The following CDH8 variants were observed in gnomAD, a reference collection of about 807,000 sequenced individuals.
CDH8 encodes the protein cadherin 8, also known as cadherin-8.
Under a neutral mutation model 68.1 loss-of-function variants are expected in CDH8, and 17 were observed. The ratio of observed to expected loss-of-function variants is 0.25; its 90% confidence interval spans 0.17 to 0.37. The LOEUF (loss-of-function observed/expected upper bound fraction) is 0.37. Among genes scored for constraint, CDH8 ranks in the 10% least tolerant of loss-of-function variants. CDH8 has a pLI of 1.00. For missense variants in CDH8, 763 were observed against 999.3 expected (o/e 0.76, Z 3.19); for synonymous variants, 372 against 365.1 (o/e 1.02, Z -0.21).
At chr16:62,009,588 T>C (rs1901757486) in intron 2 of CDH8, among the ~76,000 whole-genome samples, 1 of 152,214 alleles carries the variant, frequency 6.6e-6, no homozygotes, top group Non-Finnish European at 1.5e-5. Flanking sequence ...CTCTTCTTTT[T>C]GGTGTTCTGG....
At chr16:62,017,268 G>C (rs1901964105) in intron 2 of CDH8, among the ~76,000 whole-genome samples, 1 of 152,100 alleles carries the variant, frequency 6.6e-6, no homozygotes. Context: ...ATAAGGTATA[G>C]AGTATGTTAG....
intron 2 of CDH8, among the ~76,000 whole-genome samples, chr16:61,938,573 T>A (rs1056305838): frequency 3.9e-5 from 6 of 152,156 alleles, no homozygotes; most frequent in Non-Finnish European, 7.4e-5. Flanking sequence ...GCAAGTAACA[T>A]TAAAATGTAA....
chr16:62,011,069 G>T (rs370856409), intron 2 of CDH8, among the ~76,000 whole-genome samples: 2 of 151,768 alleles, frequency 1.3e-5, no homozygotes, highest in African/African-American at 4.8e-5. Flanking sequence ...ACCCAGCTGG[G>T]TTATTCTTAG....
intron 10 of CDH8, among the ~76,000 whole-genome samples, chr16:61,700,456 T>G (rs1964403372): frequency 6.6e-6 from 1 of 151,864 alleles, no homozygotes; most frequent in Admixed American, 6.6e-5. Context: ...AATTTTTGTA[T>G]TTTTAGTAGA....
At chr16:61,747,644 AGAAAAAC>A (rs1318324526) in intron 8 of CDH8, among the ~76,000 whole-genome samples, 5 of 152,098 alleles carry the variant, frequency 3.3e-5, no homozygotes, top group Non-Finnish European at 7.4e-5. Flanking sequence ...ATGTCAAAAA[AGAAAAAC>A]CTGCTAGAGG....
At chr16:61,740,345 T>C (rs910322593) in intron 8 of CDH8, among the ~76,000 whole-genome samples, 2 of 152,196 alleles carry the variant, frequency 1.3e-5, no homozygotes, top group Non-Finnish European at 2.9e-5. Flanking sequence ...TTAATAGTCA[T>C]ATATTTTTGA....
rs557895715 is a variant in CDH8, at chr16:61,647,469, T to C, written c.*6139A>G. 2 of 222,380 alleles carry C rather than the reference T, an allele frequency of 9.0e-6. No individual in the cohort carries two copies. 13.8% of individuals were successfully genotyped at this position (222,380 alleles called of 1,614,324 possible). A position where few individuals can be genotyped will look rare whatever the true frequency, so the allele number is the denominator to read the frequency against. Reference sequence around the variant, plus strand: ...TTAAAGCAGAGTAACGTTGGAAAGGTGGGGGGGGTGATCCCAGTGACTCCT... The same window carrying C: ...TTAAAGCAGAGTAACGTTGGAAAGGCGGGGGGGGTGATCCCAGTGACTCCT... On this transcript the variant is annotated 3_prime_UTR_variant, in exon 12 of 12. Coordinates refer to ENST00000577390, the MANE Select transcript of CDH8 (RefSeq NM_001796.5).
At chr16:62,014,584 G>A (rs568658341) in intron 2 of CDH8, among the ~76,000 whole-genome samples, 137 of 152,230 alleles carry the variant, frequency 9.0e-4, no homozygotes, top group Non-Finnish European at 6.8e-4. Context: ...TTTCTCACCC[G>A]TCGCAGACAC....
chr16:61,857,227 T>C lies in CDH8; in HGVS notation c.559A>G (p.Thr187Ala). ...TCAGCGTCGGTCGCAGTGACGTTAG[T>C]GACAGATGTACCTAATAAAATAGAG... ...PEMSILGTSV[T>A]NVTATDADDP... is the part of the protein sequence containing the mutation. The change falls in exon 4 of 12, where the codon ACT (threonine) becomes GCT (alanine). Residue 187 changes from threonine to alanine, a missense_variant. By Grantham distance (58) the Thr-to-Ala change is moderately conservative. Transcript: ENST00000577390. The C allele has an allele frequency of 1.2e-6, 2 of 1,612,448 alleles. No homozygotes were observed. The highest frequency in any genetic ancestry group is 1.7e-6 in the Non-Finnish European group (2 of 1,178,688).
chr16:61,920,455 A>G (rs1964342412), intron 2 of CDH8, among the ~76,000 whole-genome samples: 1 of 148,788 alleles, frequency 6.7e-6, no homozygotes. Context: ...GCATGAACAG[A>G]CACTTCTCAA....
At chr16:62,007,583 A>G (rs775704983) in intron 2 of CDH8, among the ~76,000 whole-genome samples, 6 of 132,390 alleles carry the variant, frequency 4.5e-5, no homozygotes, top group Non-Finnish European at 6.8e-5. Flanking sequence ...CAAAATGCAC[A>G]ACTTTCCAAA....
At chr16:62,025,003 A>T (rs1236117863) in intron 1 of CDH8, among the ~76,000 whole-genome samples, 4 of 152,182 alleles carry the variant, frequency 2.6e-5, no homozygotes, top group Non-Finnish European at 5.9e-5. Context: ...AGAAATACAT[A>T]AACAATTCAC....
At chr16:61,998,162 A>G (rs779216575) in intron 2 of CDH8, among the ~76,000 whole-genome samples, 2 of 152,208 alleles carry the variant, frequency 1.3e-5, no homozygotes, top group Non-Finnish European at 2.9e-5. Context: ...AAAATGCAAT[A>G]TGCATGAAAA....
At chr16:61,943,703 C>G (rs535742001) in intron 2 of CDH8, among the ~76,000 whole-genome samples, 22 of 152,242 alleles carry the variant, frequency 1.4e-4, no homozygotes, top group African/African-American at 4.8e-4. Context: ...ATAAGTGAGA[C>G]AGAGTCCCTT....
chr16:61,854,182 T>A (rs959543694), intron 4 of CDH8, among the ~76,000 whole-genome samples: 6 of 151,332 alleles, frequency 4.0e-5, no homozygotes, highest in Non-Finnish European at 8.8e-5. Context: ...AGAAGCCCAC[T>A]GCTTGCATTT....
At chr16:61,817,963 A>C in intron 6 of CDH8, 1 of 409,756 alleles carries the variant, frequency 2.4e-6, no homozygotes, top group Non-Finnish European at 4.3e-6. Context: ...TGTTTTGCTC[A>C]TTTCACTTGG....
intron 2 of CDH8, among the ~76,000 whole-genome samples, chr16:61,947,842 A>G (rs2143569679): frequency 6.6e-6 from 1 of 152,302 alleles, no homozygotes; most frequent in Admixed American, 6.5e-5. Flanking sequence ...CTCTGTTCTC[A>G]AATAAGGGAT....
At chr16:61,983,594 A>G (rs977194374) in intron 2 of CDH8, among the ~76,000 whole-genome samples, 4 of 152,258 alleles carry the variant, frequency 2.6e-5, no homozygotes, top group African/African-American at 9.6e-5. Context: ...ATACGGCATC[A>G]TCACTTAACA....
chr16:61,650,706 T>TGTGTGTGTGTGAGA lies in CDH8; in HGVS notation c.*2901_*2902insTCTCACACACACAC, dbSNP rs745949180. On this transcript the variant is annotated 3_prime_UTR_variant, in exon 12 of 12. Coordinates refer to ENST00000577390, the MANE Select transcript of CDH8 (RefSeq NM_001796.5). The stretch of plus-strand genomic sequence containing the variant: ...GTGTGTGTGTGTGTGTGTGTGTGTG[T>TGTGTGTGTGTGAGA]GAGAGAGAGAGAGAGAGAGAGAGAG... 8.6e-6 allele frequency: 1 copy of TGTGTGTGTGTGAGA among 116,596 alleles called. No individual in the cohort carries two copies. Among genetic ancestry groups the TGTGTGTGTGTGAGA allele is most frequent in the African/African-American group, 3.4e-5 (1 of 29,794 alleles). 7.2% of individuals were successfully genotyped at this position (116,596 alleles called of 1,614,324 possible).
Sources: allele counts gnomAD v4.1 joint callset (sites outside exome capture counted in the v4.1 genomes callset), GRCh38; gene constraint gnomAD v4.1.1; transcripts MANE v1.5; gene names NCBI Gene and HGNC (gene_info 2026-07-23, HGNC 2026-07-21).